IFNAR2: variants seen among roughly 807,000 people sequenced by gnomAD.
The protein encoded by IFNAR2 is interferon alpha/beta receptor 2.
IFNAR2 carries 30 observed loss-of-function variants against 49.4 expected under a neutral mutation model. That is an observed-to-expected ratio of 0.61 (90% CI 0.45 to 0.82). The LOEUF is 0.82. IFNAR2 is among the 40% of genes least tolerant of loss of function. The probability of loss-of-function intolerance (pLI) is 0.00; values close to 1 mark genes in which losing one functional copy is unlikely to be tolerated. For missense variants in IFNAR2, 600 were observed against 622.7 expected (o/e 0.96, Z 0.39); for synonymous variants, 224 against 234.5 (o/e 0.96, Z 0.41).
chr21:33,236,595 G>A (rs1173809745), intron 1 of IFNAR2, among the ~76,000 whole-genome samples: 2 of 152,274 alleles, frequency 1.3e-5, no homozygotes, highest in African/African-American at 2.4e-5. Flanking sequence ...GGGCTTCAGC[G>A]GAATGTGGTC....
chr21:33,234,199 G>GTA (rs1213123042), intron 1 of IFNAR2, among the ~76,000 whole-genome samples: 18 of 151,374 alleles, frequency 1.2e-4, no homozygotes, highest in African/African-American at 4.1e-4. Context: ...GTGTGTGTGT[G>GTA]TGTGTGTGTG....
chr21:33,251,661 C>G (rs1987844723), intron 6 of IFNAR2: 1 of 984,996 alleles, frequency 1.0e-6, no homozygotes, highest in Non-Finnish European at 1.2e-6. Flanking sequence ...ATTTATTAAA[C>G]TGCTAGTAAG....
chr21:33,252,086 A>G (rs968203717), intron 6 of IFNAR2: 62 of 342,500 alleles, frequency 1.8e-4, no homozygotes, highest in Non-Finnish European at 3.7e-4. Flanking sequence ...CCATCCATCT[A>G]TCTATCTATC....
At chr21:33,238,826 A>G (rs1694373419) in intron 1 of IFNAR2, among the ~76,000 whole-genome samples, 1 of 152,178 alleles carries the variant, frequency 6.6e-6, no homozygotes, top group Admixed American at 6.5e-5. Context: ...GCTCAACAGA[A>G]AAATTGCCAA....
intron 1 of IFNAR2, chr21:33,236,829 C>T (rs1363563354): frequency 3.0e-6 from 3 of 984,304 alleles, no homozygotes; most frequent in Non-Finnish European, 3.6e-6. Flanking sequence ...TAGGATCCTT[C>T]TAGCTGCAGG....
intron 7 of IFNAR2, among the ~76,000 whole-genome samples, chr21:33,259,543 G>T (rs1371964008): frequency 6.6e-6 from 1 of 152,216 alleles, no homozygotes; most frequent in East Asian, 1.9e-4. Flanking sequence ...AGAGTGCATT[G>T]TAGCTGTTAT....
chr21:33,250,938 G>C (rs1568888514), intron 6 of IFNAR2, among the ~76,000 whole-genome samples: 1 of 152,176 alleles, frequency 6.6e-6, no homozygotes, highest in African/African-American at 2.4e-5. Flanking sequence ...AGGGTTAGAG[G>C]GTTTGGGACA....
At chr21:33,239,261 G>A (rs1029730380) in intron 1 of IFNAR2, among the ~76,000 whole-genome samples, 3 of 152,160 alleles carry the variant, frequency 2.0e-5, no homozygotes, top group African/African-American at 7.2e-5. Context: ...AGCCGATGGG[G>A]AGCCCCAAAT....
intron 5 of IFNAR2, among the ~76,000 whole-genome samples, chr21:33,247,456 G>A (rs1987526147): frequency 6.6e-6 from 1 of 151,644 alleles, no homozygotes; most frequent in Non-Finnish European, 1.5e-5. Flanking sequence ...CACCATGTTG[G>A]CCAGGCTAGT....
intron 5 of IFNAR2, among the ~76,000 whole-genome samples, chr21:33,247,278 G>GTTTTTT (rs1555858433): frequency 1.2e-5 from 1 of 86,014 alleles, no homozygotes; most frequent in African/African-American, 5.0e-5. Flanking sequence ...TTGAGATGGA[G>GTTTTTT]TTTCACTCTG....
chr21:33,248,683 C>A (rs1568886919), intron 5 of IFNAR2, 26 bp from the exon 6 acceptor site: 1 of 1,582,812 alleles, frequency 6.3e-7, no homozygotes, highest in Non-Finnish European at 8.6e-7. Context: ...GTGACATATT[C>A]CTGTCTGTTT....
intron 4 of IFNAR2, among the ~76,000 whole-genome samples, chr21:33,246,109 C>A (rs1467017518): frequency 6.7e-6 from 1 of 149,908 alleles, no homozygotes; most frequent in Non-Finnish European, 1.5e-5. Flanking sequence ...CTCACTGTGT[C>A]ACCAAGGCTG....
At chr21:33,247,815 G>T (rs900949953) in intron 5 of IFNAR2, among the ~76,000 whole-genome samples, 6 of 152,202 alleles carry the variant, frequency 3.9e-5, no homozygotes, top group African/African-American at 1.4e-4. Context: ...GCTTCCTGTT[G>T]TAGGCTATGC....
chr21:33,232,211 A>C (rs1024912540), intron 1 of IFNAR2, among the ~76,000 whole-genome samples: 2 of 152,208 alleles, frequency 1.3e-5, no homozygotes, highest in African/African-American at 2.4e-5. Flanking sequence ...TAATTTGTGA[A>C]ATATTAGTGA....
intron 1 of IFNAR2, among the ~76,000 whole-genome samples, chr21:33,232,487 C>A (rs1011643601): frequency 2.6e-5 from 4 of 152,090 alleles, no homozygotes; most frequent in African/African-American, 9.7e-5. Context: ...GTTTTATCAT[C>A]TGGTACGTGG....
chr21:33,236,526 C>T (rs1601787521), intron 1 of IFNAR2, among the ~76,000 whole-genome samples: 1 of 144,940 alleles, frequency 6.9e-6, no homozygotes, highest in Middle Eastern at 3.4e-3. Context: ...CCCTCTGACT[C>T]CAGTCCATGG....
At chr21:33,255,337 C>T (rs894495809) in intron 7 of IFNAR2, among the ~76,000 whole-genome samples, 1 of 152,200 alleles carries the variant, frequency 6.6e-6, no homozygotes. Flanking sequence ...AAACTGCCTG[C>T]CCCCACTTCA....
chr21:33,230,402 CG>C lies in IFNAR2; in HGVS notation c.-84+190del, dbSNP rs1309919830. On this transcript the variant is annotated intron_variant, in intron 1 of 8. Coordinates refer to ENST00000342136, the MANE Select transcript of IFNAR2 (RefSeq NM_001289125.3). This position sits in a 1 kb window ranked among gnomAD's most constrained non-coding sequence, Gnocchi z 5.5. The stretch of plus-strand genomic sequence containing the variant: ...CGGCTAGTGCGCCCTTCCTCTCTCC[CG>C]GGGCCGCACCTGCGACCCCAGGACC... 6 of 509,770 alleles carry C rather than the reference CG, an allele frequency of 1.2e-5. No homozygotes were observed. Among genetic ancestry groups the C allele is most frequent in the East Asian group, 8.4e-5 (1 of 11,870 alleles). 31.6% of individuals were successfully genotyped at this position (509,770 alleles called of 1,614,324 possible).
intron 1 of IFNAR2, among the ~76,000 whole-genome samples, chr21:33,236,226 C>T (rs1479358670): frequency 6.6e-6 from 1 of 152,128 alleles, no homozygotes; most frequent in African/African-American, 2.4e-5. Flanking sequence ...GGAGCCAGAG[C>T]AGATTCACAC....
Sources: gnomAD v4.1 joint callset for allele counts (sites outside exome capture counted in the v4.1 genomes callset) on GRCh38, gnomAD v4.1.1 for gene constraint, Gnocchi (gnomAD v3.1) non-coding constraint, MANE v1.5 for transcripts, NCBI Gene and HGNC (gene_info 2026-07-23, HGNC 2026-07-21) for gene names.